Variants in GSE1 observed in about 807,000 individuals in gnomAD.
The protein encoded by GSE1 is Gse1 coiled-coil protein.
GSE1 carries 32 observed loss-of-function variants against 112.6 expected under a neutral mutation model. That is an observed-to-expected ratio of 0.28 (90% CI 0.21 to 0.38). The LOEUF (loss-of-function observed/expected upper bound fraction) is 0.38, where lower values mean the gene tolerates loss of function less well. Among genes scored for constraint, GSE1 ranks in the 10% least tolerant of loss-of-function variants. The pLI is 1.00. For synonymous variants in GSE1, 1,115 were observed against 735.6 expected (o/e 1.52, Z -8.35); for missense variants, 2,348 against 1,699.2 (o/e 1.38, Z -6.71).
chr16:85,221,570 G>C (rs1302944215), intron 1 of GSE1, among the ~76,000 whole-genome samples: 1 of 152,088 alleles, frequency 6.6e-6, no homozygotes, highest in Non-Finnish European at 1.5e-5. Flanking sequence ...CCCTAAACCA[G>C]GCACCACCCG....
chr16:85,203,494 C>A (rs1168047238), intron 1 of GSE1, among the ~76,000 whole-genome samples: 2 of 152,172 alleles, frequency 1.3e-5, no homozygotes, highest in East Asian at 3.9e-4. Flanking sequence ...AGACCCTGCT[C>A]GCTCTTTCGT....
intron 1 of GSE1, among the ~76,000 whole-genome samples, chr16:85,175,234 A>C (rs961762222): frequency 5.3e-5 from 8 of 152,148 alleles, no homozygotes; most frequent in African/African-American, 1.4e-4. Context: ...CCCAGAGAGC[A>C]CCATGCTCTG....
chr16:85,372,720 A>G (rs1009960558), intron 2 of GSE1, among the ~76,000 whole-genome samples: 2 of 152,082 alleles, frequency 1.3e-5, no homozygotes, highest in Non-Finnish European at 2.9e-5. Flanking sequence ...CATGCACCTC[A>G]TCTGTACTGT....
At chr16:85,421,240 G>C (rs944960311) in intron 2 of GSE1, among the ~76,000 whole-genome samples, 1 of 151,180 alleles carries the variant, frequency 6.6e-6, no homozygotes, top group Non-Finnish European at 1.5e-5. Flanking sequence ...CCAGCGATTT[G>C]GGCCCAAGAC....
At chr16:85,328,793 G>T (rs555483876) in intron 1 of GSE1, among the ~76,000 whole-genome samples, 1 of 136,632 alleles carries the variant, frequency 7.3e-6, no homozygotes, top group East Asian at 2.1e-4. Context: ...TTGCGGCTGG[G>T]CGTCCCCGCC....
chr16:85,498,710 G>T (rs981430201), intron 2 of GSE1, among the ~76,000 whole-genome samples: 6 of 152,268 alleles, frequency 3.9e-5, no homozygotes, highest in African/African-American at 1.4e-4. Flanking sequence ...GTGACCGCAG[G>T]GGAGAGGTCT....
At chr16:85,335,644 G>A (rs2046466933) in intron 1 of GSE1, among the ~76,000 whole-genome samples, 1 of 152,234 alleles carries the variant, frequency 6.6e-6, no homozygotes, top group Admixed American at 6.5e-5. Context: ...CACTGCTGCA[G>A]GGTGGCAGTC....
intron 4 of GSE1, 110 bp downstream of exon 4, chr16:85,654,560 G>A (rs2051739127): frequency 2.0e-6 from 2 of 983,674 alleles, no homozygotes; most frequent in Admixed American, 4.6e-5. Context: ...GTGCCTGCTA[G>A]ATGGTTGTCG....
At chr16:85,275,280 C>T (rs900431440) in intron 1 of GSE1, among the ~76,000 whole-genome samples, 5 of 152,198 alleles carry the variant, frequency 3.3e-5, no homozygotes, top group East Asian at 1.9e-4. Flanking sequence ...CAATAGCCCC[C>T]GTTCCTCCAC....
chr16:85,487,964 A>G (rs9937990), intron 2 of GSE1, among the ~76,000 whole-genome samples: 8 of 152,014 alleles, frequency 5.3e-5, no homozygotes, highest in Admixed American at 2.0e-4. Context: ...CAGTGCCACT[A>G]GTCACTCCTC....
chr16:85,535,306 A>T (rs1486099437), intron 2 of GSE1, among the ~76,000 whole-genome samples: 1 of 152,230 alleles, frequency 6.6e-6, no homozygotes, highest in Non-Finnish European at 1.5e-5. Flanking sequence ...CCCTCGGGGA[A>T]CGAGGTGCTC....
intron 2 of GSE1, among the ~76,000 whole-genome samples, chr16:85,379,351 G>A (rs1411145635): frequency 6.6e-6 from 1 of 152,208 alleles, no homozygotes; most frequent in Non-Finnish European, 1.5e-5. Flanking sequence ...CCAGTGCCTA[G>A]AATGGTGCCT....
chr16:85,316,318 G>A (rs1410310845), intron 1 of GSE1, among the ~76,000 whole-genome samples: 8 of 152,196 alleles, frequency 5.3e-5, no homozygotes, highest in African/African-American at 1.4e-4. Context: ...GTCAGAGAGC[G>A]ATTCCTTTCT....
intron 1 of GSE1, among the ~76,000 whole-genome samples, chr16:85,283,860 A>G (rs2044932584): frequency 6.6e-6 from 1 of 152,210 alleles, no homozygotes; most frequent in Non-Finnish European, 1.5e-5. Flanking sequence ...CACAGCTAGG[A>G]AATGCTGGAG....
chr16:85,332,792 C>G (rs1300071824), intron 1 of GSE1, among the ~76,000 whole-genome samples: 1 of 152,182 alleles, frequency 6.6e-6, no homozygotes, highest in Non-Finnish European at 1.5e-5. Flanking sequence ...CCTCCAGCCT[C>G]TTCTCTCCTC....
At chr16:85,179,116 A>G (rs1171368792) in intron 1 of GSE1, among the ~76,000 whole-genome samples, 1 of 151,982 alleles carries the variant, frequency 6.6e-6, no homozygotes, top group East Asian at 1.9e-4. Flanking sequence ...GAACATTCCC[A>G]TCACCCCCAA....
intron 1 of GSE1, among the ~76,000 whole-genome samples, chr16:85,174,011 A>G (rs1337621704): frequency 6.6e-6 from 1 of 152,212 alleles, no homozygotes; most frequent in Non-Finnish European, 1.5e-5. Flanking sequence ...GCCAGTGGGT[A>G]TCTGAGGTGG....
intron 2 of GSE1, among the ~76,000 whole-genome samples, chr16:85,533,260 A>G (rs2044194944): frequency 6.6e-6 from 1 of 152,014 alleles, no homozygotes; most frequent in African/African-American, 2.4e-5. Context: ...AAAAAAAAAA[A>G]AATACAAAAA....
intron 2 of GSE1, among the ~76,000 whole-genome samples, chr16:85,506,336 CG>C (rs1346030687): frequency 3.3e-5 from 5 of 152,066 alleles, no homozygotes; most frequent in Non-Finnish European, 7.4e-5. Context: ...ATGTGGCTAC[CG>C]TATGGATGGC....
Sources: allele counts gnomAD v4.1 joint callset (sites outside exome capture counted in the v4.1 genomes callset), GRCh38; gene constraint gnomAD v4.1.1; transcripts MANE v1.5; gene names NCBI Gene and HGNC (gene_info 2026-07-23, HGNC 2026-07-21).